The following KCNU1 variants were observed in gnomAD, a reference collection of about 807,000 sequenced individuals.
KCNU1 encodes potassium calcium-activated channel subfamily U member 1.
In KCNU1, 93 loss-of-function variants were observed where a neutral mutation model predicts 126.8. The observed-to-expected ratio is 0.73, with a 90% CI of 0.62 to 0.87. The LOEUF is 0.87. KCNU1 is among the 40% of genes least tolerant of loss of function. The pLI is 0.00. For missense variants in KCNU1, 1,330 were observed against 1,367.1 expected, an observed-to-expected ratio of 0.97 and a Z score of 0.43; for synonymous variants, 523 against 494.2, an observed-to-expected ratio of 1.06 and a Z score of -0.77.
chr8:36,826,855 G>C (rs1804344856), intron 10 of KCNU1, among the ~76,000 whole-genome samples: 1 of 151,910 alleles, frequency 6.6e-6, no homozygotes, highest in South Asian at 2.1e-4. Flanking sequence ...AGTTATTTTT[G>C]ATTCTTTATC....
intron 10 of KCNU1, among the ~76,000 whole-genome samples, chr8:36,820,144 C>G (rs538295438): frequency 2.0e-5 from 3 of 152,156 alleles, no homozygotes; most frequent in Admixed American, 1.3e-4. Context: ...AATGTACCTA[C>G]GTGGATGCCC....
At position 36,873,274 on chromosome 8, in the gene KCNU1, C is replaced by T. The variant is rs182233157; in HGVS notation, c.2009+8753C>T. The stretch of plus-strand genomic sequence containing the variant: ...CTTTCCTTCCCCTGGCCCCAACCCC[C>T]ACCCCTTTCTTTAAAGATATGAGAA... On this transcript the variant is annotated intron_variant, in intron 19 of 26. Transcript: ENST00000399881. 8.9e-3 allele frequency among the ~76,000 whole-genome samples: 1,358 copies of T among 152,124 alleles called. 9 individuals carry two copies. The highest frequency in any genetic ancestry group is 0.014 in the Non-Finnish European group (975 of 67,996).
chr8:36,833,583 T>C lies in KCNU1; in HGVS notation c.1136T>C (p.Ile379Thr). 1 of 1,611,722 alleles carries C rather than the reference T, an allele frequency of 6.2e-7. No individual in the cohort carries two copies. Among genetic ancestry groups the C allele is most frequent in the Non-Finnish European group, 8.5e-7 (1 of 1,178,162 alleles). Residue 379 changes from isoleucine (I) to threonine (T), a missense_variant, in exon 11 of 27, where the codon ATA becomes ACA. Ile to Thr is a moderately conservative substitution (Grantham distance 89, BLOSUM62 -1). Transcript: ENST00000399881. ...CCTCCTTCTTTGGAACTTGAAACCA[T>C]ATTTAAATGCTACTTGGCCTACACA... ...ETPPSLELET[I>T]FKCYLAYTTF... is the part of the protein sequence containing the mutation.
At position 36,909,315 on chromosome 8, in the gene KCNU1, G is replaced by A. The variant is rs773221041; in HGVS notation, c.2111G>A (p.Arg704Gln). 89 of 1,609,654 alleles carry A rather than the reference G, an allele frequency of 5.5e-5. No homozygotes were observed. Among genetic ancestry groups the A allele is most frequent in the African/African-American group, 1.5e-4 (11 of 74,812 alleles). ...CTGTGGCATCCTTATCCTTAGAAACGAACTGGCAAGTCAAAGTATAAGTTT... is the reference window on the plus strand; with the variant it reads ...CTGTGGCATCCTTATCCTTAGAAACAAACTGGCAAGTCAAAGTATAAGTTT... Reference protein sequence around the residue: ...PTSLDKVTLKRTGKSKYKFRN... With the variant: ...PTSLDKVTLKQTGKSKYKFRN... The change falls in exon 21 of 27, where the codon CGA becomes CAA. Residue 704 changes from arginine (R) to glutamine (Q), a missense_variant. Arg to Gln is a conservative substitution (Grantham distance 43, BLOSUM62 1). This residue lies in a region of KCNU1 where 1,054 missense variants were observed against 1,053.9 expected (regional missense o/e 1.00). Coordinates refer to ENST00000399881, the MANE Select transcript of KCNU1 (RefSeq NM_001031836.3).
chr8:36,861,189 T>G (rs1427241485), intron 18 of KCNU1, among the ~76,000 whole-genome samples: 20 of 152,144 alleles, frequency 1.3e-4, no homozygotes. Flanking sequence ...TCCACCAAAT[T>G]TCAATAAAAA....
In KCNU1 at chr8:36,807,081, A is replaced by G. The variant is rs1385157148; in HGVS notation, c.581-294A>G. On this transcript the variant is annotated intron_variant, in intron 5 of 26. Transcript: ENST00000399881. ...TGAGGCATGCTTCTACATGCTTGAT[A>G]TGGATGCTACAACTCTGTGAGGTTG... 1.3e-5 allele frequency among the ~76,000 whole-genome samples: 2 copies of G among 152,194 alleles called. 1 individual carries two copies. The highest frequency in any genetic ancestry group is 3.8e-4 in the East Asian group (2 of 5,196).
intron 24 of KCNU1, among the ~76,000 whole-genome samples, chr8:36,928,112 T>C (rs1207302110): frequency 6.6e-6 from 1 of 151,966 alleles, no homozygotes; most frequent in Non-Finnish European, 1.5e-5. Flanking sequence ...ATAGTAAGAA[T>C]AGGAGATGAG....
At chr8:36,805,422 A>C (rs1035803847) in intron 4 of KCNU1, 137 bp downstream of exon 4, 5 of 601,090 alleles carry the variant, frequency 8.3e-6, no homozygotes, top group Non-Finnish European at 1.5e-5. Flanking sequence ...TAACTTGTTA[A>C]ATATATACTG....
intron 1 of KCNU1, among the ~76,000 whole-genome samples, chr8:36,786,444 G>A (rs1802714054): frequency 1.3e-5 from 2 of 152,268 alleles, no homozygotes; most frequent in South Asian, 4.1e-4. Context: ...GTTTTTTAAT[G>A]AGACTTCCCT....
chr8:36,836,672 G>T (rs1804760706), intron 13 of KCNU1, 121 bp from the exon 14 acceptor site: 1 of 877,026 alleles, frequency 1.1e-6, no homozygotes, highest in African/African-American at 1.7e-5. Flanking sequence ...CCACTTTTGT[G>T]TGCAAAAATG....
intron 1 of KCNU1, among the ~76,000 whole-genome samples, chr8:36,786,344 A>G (rs1017898894): frequency 6.6e-6 from 1 of 152,226 alleles, no homozygotes; most frequent in African/African-American, 2.4e-5. Flanking sequence ...GATTTTTTAA[A>G]ATTAATTCTC....
chr8:36,836,801 G>A lies in KCNU1; in HGVS notation c.1374G>A (p.Leu458=). 6.2e-7 allele frequency: 1 copy of A among 1,613,694 alleles called. No homozygotes were observed. Among genetic ancestry groups the A allele is most frequent in the Non-Finnish European group, 8.5e-7 (1 of 1,179,722 alleles). Residue 458 remains leucine, a synonymous_variant, in exon 14 of 27, where the codon CTG becomes CTA. Coordinates refer to ENST00000399881, the MANE Select transcript of KCNU1 (RefSeq NM_001031836.3). ...TTTGTGCTATGGAACAGGTTTATCT[G>A]CCAAAGATTCCCAGCTGGAACTGGG... The part of the protein sequence containing the change: ...QILQSHNKVY[L]PKIPSWNWDT...
chr8:36,849,297 A>G (rs1805261234), intron 18 of KCNU1, among the ~76,000 whole-genome samples: 2 of 152,182 alleles, frequency 1.3e-5, no homozygotes, highest in African/African-American at 4.8e-5. Flanking sequence ...ATGTATCAAT[A>G]CCTCATTTCA....
Position 36,805,187 on chromosome 8 carries a change from T to C in KCNU1, c.378-8T>C. Reference sequence around the variant, plus strand: ...GATCTTCACAAACTGTCCTTCTTTCTTTTCCAGCCCTGTTGGAAGCTGTTC... The same window carrying C: ...GATCTTCACAAACTGTCCTTCTTTCCTTTCCAGCCCTGTTGGAAGCTGTTC... On this transcript the variant is annotated splice_region_variant and splice_polypyrimidine_tract_variant and intron_variant, in intron 3 of 26. Transcript: ENST00000399881. 6.2e-7 allele frequency: 1 copy of C among 1,600,612 alleles called. No individual in the cohort carries two copies. The highest frequency in any genetic ancestry group is 1.3e-5 in the African/African-American group (1 of 74,844).
intron 22 of KCNU1, among the ~76,000 whole-genome samples, chr8:36,913,115 T>C (rs1807952254): frequency 6.6e-6 from 1 of 152,136 alleles, no homozygotes; most frequent in Admixed American, 6.5e-5. Flanking sequence ...TTTCACCTCC[T>C]TTATGGACTA....
At chr8:36,896,568 A>C (rs1807196656) in intron 19 of KCNU1, among the ~76,000 whole-genome samples, 1 of 152,088 alleles carries the variant, frequency 6.6e-6, no homozygotes, top group Non-Finnish European at 1.5e-5. Flanking sequence ...AAGGAATCAA[A>C]TAATAGAATG....
chr8:36,898,279 C>T (rs559471701), intron 19 of KCNU1, among the ~76,000 whole-genome samples: 4 of 151,926 alleles, frequency 2.6e-5, no homozygotes, highest in South Asian at 4.2e-4. Flanking sequence ...GTGTTTGATA[C>T]CTGCCCCCTG....
At chr8:36,793,816 G>A (rs1431225209) in intron 2 of KCNU1, among the ~76,000 whole-genome samples, 1 of 152,078 alleles carries the variant, frequency 6.6e-6, no homozygotes, top group East Asian at 1.9e-4. Flanking sequence ...AGCACTTTGG[G>A]AGGCCGAGGC....
chr8:36,836,782 C>T lies in KCNU1; in HGVS notation c.1366-11C>T. ...TTCCTAATGTTTGACCTGCTTTGTG[C>T]TATGGAACAGGTTTATCTGCCAAAG... is the stretch of plus-strand genomic sequence containing the variant. On this transcript the variant is annotated splice_polypyrimidine_tract_variant and intron_variant, in intron 13 of 26. Coordinates refer to ENST00000399881, the MANE Select transcript of KCNU1 (RefSeq NM_001031836.3). The T allele has an allele frequency of 6.2e-7, 1 of 1,613,066 alleles. No homozygotes were observed. Among genetic ancestry groups the T allele is most frequent in the Non-Finnish European group, 8.5e-7 (1 of 1,179,186 alleles).
Sources: allele counts gnomAD v4.1 joint callset (sites outside exome capture counted in the v4.1 genomes callset), GRCh38; gene constraint gnomAD v4.1.1; regional missense constraint gnomAD v4.1.1; transcripts MANE v1.5; gene names NCBI Gene and HGNC (gene_info 2026-07-23, HGNC 2026-07-21).